Variants in RERE observed in about 807,000 individuals in gnomAD.
RERE encodes the protein arginine-glutamic acid dipeptide repeats protein.
RERE carries 40 observed loss-of-function variants against 146.1 expected under a neutral mutation model. That is an observed-to-expected ratio of 0.27 (90% confidence interval 0.21 to 0.36). The LOEUF is 0.36. RERE is among the 10% of genes least tolerant of loss of function. The pLI is 1.00. For synonymous variants in RERE, 1,003 were observed against 866.0 expected (o/e 1.16, Z -2.78); for missense variants, 1,933 against 2,138.7 (o/e 0.90, Z 1.90).
At chr1:8,474,042 T>C (rs777895347) in intron 10 of RERE, among the ~76,000 whole-genome samples, 1 of 152,238 alleles carries the variant, frequency 6.6e-6, no homozygotes. Flanking sequence ...TTCTGCATAA[T>C]TGCCCAAGTT....
Position 8,541,200 on chromosome 1 carries a change from A to C in RERE, c.830+14T>G, listed in dbSNP as rs1442802976. 1 of 1,391,258 alleles carries C rather than the reference A, an allele frequency of 7.2e-7. No homozygotes were observed. The highest frequency in any genetic ancestry group is 1.2e-5 in the South Asian group (1 of 84,708). The allele number at this position is 1,391,258 out of a possible 1,614,324, so 86.2% of individuals were successfully genotyped here. On this transcript the variant is annotated intron_variant, in intron 7 of 22. Transcript: ENST00000400908. ...AAAGAGTTCTCAATGAATGGACACA[A>C]GTGACTCACTTACCTTGTCTCAGGG... is the stretch of plus-strand genomic sequence containing the variant.
intron 1 of RERE, among the ~76,000 whole-genome samples, chr1:8,681,375 G>A (rs1394442105): frequency 6.6e-6 from 1 of 152,144 alleles, no homozygotes; most frequent in Non-Finnish European, 1.5e-5. Context: ...TGAGGTTTTA[G>A]AAGCCACAGC....
chr1:8,658,863 T>C (rs1638389904), intron 1 of RERE, among the ~76,000 whole-genome samples: 1 of 152,180 alleles, frequency 6.6e-6, no homozygotes, highest in Non-Finnish European at 1.5e-5. Context: ...AGGTCAAACC[T>C]CTTACCAGAA....
intron 8 of RERE, among the ~76,000 whole-genome samples, chr1:8,506,613 T>G (rs1174265086): frequency 1.3e-5 from 2 of 152,224 alleles, no homozygotes; most frequent in Non-Finnish European, 2.9e-5. Context: ...AGCTGTGGAT[T>G]CCCCAGCATC....
chr1:8,554,683 A>AG (rs1645983292), intron 6 of RERE, among the ~76,000 whole-genome samples: 1 of 150,780 alleles, frequency 6.6e-6, no homozygotes, highest in African/African-American at 2.4e-5. Flanking sequence ...TGTCTCAAAA[A>AG]AAAAAAAAAA....
intron 1 of RERE, among the ~76,000 whole-genome samples, chr1:8,794,190 G>T (rs1319618773): frequency 6.6e-6 from 1 of 150,884 alleles, no homozygotes; most frequent in African/African-American, 2.4e-5. Context: ...GAGGTCAGGA[G>T]ATGGAGAACA....
chr1:8,630,010 C>T, intron 2 of RERE, among the ~76,000 whole-genome samples: 1 of 152,180 alleles, frequency 6.6e-6, no homozygotes, highest in East Asian at 1.9e-4. Flanking sequence ...CTTCTGCTTT[C>T]TGTTTCTCCT....
chr1:8,728,734 A>T (rs1640021673), intron 1 of RERE, among the ~76,000 whole-genome samples: 1 of 152,212 alleles, frequency 6.6e-6, no homozygotes, highest in Admixed American at 6.5e-5. Flanking sequence ...TTCTGAAAAC[A>T]ATCTAAGTAA....
chr1:8,629,679 C>A (rs560166427), intron 2 of RERE, among the ~76,000 whole-genome samples: 1 of 152,260 alleles, frequency 6.6e-6, no homozygotes, highest in Non-Finnish European at 1.5e-5. Context: ...TGGACACTTA[C>A]CTCACCCACT....
chr1:8,597,803 T>G, intron 4 of RERE, among the ~76,000 whole-genome samples: 1 of 151,854 alleles, frequency 6.6e-6, no homozygotes, highest in Non-Finnish European at 1.5e-5. Flanking sequence ...TTTTTAATGA[T>G]CAATCCTGTT....
At chr1:8,556,677 G>C in intron 5 of RERE, 106 bp from the exon 6 acceptor site, 3 of 699,774 alleles carry the variant, frequency 4.3e-6, no homozygotes, top group Non-Finnish European at 7.7e-6. Flanking sequence ...AAATAACCGG[G>C]CCTGGTTAGC....
At chr1:8,427,854 A>G (rs1006451401) in intron 11 of RERE, among the ~76,000 whole-genome samples, 1 of 152,202 alleles carries the variant, frequency 6.6e-6, no homozygotes, top group Non-Finnish European at 1.5e-5. Context: ...CACACGTGAA[A>G]GAGACTTCTG....
intron 13 of RERE, among the ~76,000 whole-genome samples, chr1:8,365,209 C>T (rs1041203142): frequency 1.1e-4 from 17 of 152,212 alleles, no homozygotes; most frequent in Non-Finnish European, 2.2e-4. Context: ...GCCCCCAACC[C>T]GTCCTGCTAG....
chr1:8,530,679 C>CTTTTTTTTTTTTTTTT (rs1197212764), intron 7 of RERE, among the ~76,000 whole-genome samples: 1 of 96,950 alleles, frequency 1.0e-5, no homozygotes, highest in African/African-American at 4.0e-5. Flanking sequence ...TTTTCGTTTT[C>CTTTTTTTTTTTTTTTT]TTTTTTTTTT....
At chr1:8,663,724 A>G (rs1638507520) in intron 1 of RERE, among the ~76,000 whole-genome samples, 2 of 152,130 alleles carry the variant, frequency 1.3e-5, no homozygotes, top group Admixed American at 6.6e-5. Flanking sequence ...AAAGCATACA[A>G]TGCCCACTAT....
At chr1:8,637,087 G>A (rs963706129) in intron 2 of RERE, among the ~76,000 whole-genome samples, 15 of 152,072 alleles carry the variant, frequency 9.9e-5, no homozygotes, top group African/African-American at 3.6e-4. Context: ...AACAGAAAAA[G>A]CTAGGAACAG....
At chr1:8,623,143 A>G (rs958166790) in intron 3 of RERE, among the ~76,000 whole-genome samples, 27 of 152,212 alleles carry the variant, frequency 1.8e-4, no homozygotes, top group African/African-American at 6.3e-4. Context: ...TTTGAGGAAA[A>G]TAACAAACAA....
intron 1 of RERE, chr1:8,798,550 T>C (rs1641525168): frequency 9.2e-6 from 2 of 216,848 alleles, no homozygotes; most frequent in African/African-American, 2.3e-5. Flanking sequence ...GAAGCAAAGA[T>C]ATCATCATGA....
chr1:8,608,559 A>C (rs1488959342), intron 4 of RERE, among the ~76,000 whole-genome samples: 1 of 152,144 alleles, frequency 6.6e-6, no homozygotes, highest in South Asian at 2.1e-4. Context: ...GCAGGGCTGA[A>C]AGTCCTAACA....
Sources: allele counts gnomAD v4.1 joint callset (sites outside exome capture counted in the v4.1 genomes callset), GRCh38; gene constraint gnomAD v4.1.1; transcripts MANE v1.5; gene names NCBI Gene and HGNC (gene_info 2026-07-23, HGNC 2026-07-21).